Variants in POSTN observed in about 807,000 individuals in gnomAD.
The protein encoded by POSTN is osteoblast specific factor 2 (fasciclin I-like).
A neutral mutation model predicts 104.5 loss-of-function variants in POSTN; 71 were observed. The observed-to-expected ratio is 0.68, with a 90% CI of 0.56 to 0.83. POSTN has a LOEUF of 0.83. POSTN is among the 40% of genes least tolerant of loss of function. POSTN has a pLI of 0.00. For synonymous variants in POSTN, 355 were observed against 340.7 expected (o/e 1.04, Z -0.46); for missense variants, 949 against 1,006.8 (o/e 0.94, Z 0.78).
At chr13:37,582,800 C>T (rs1950633525) in intron 9 of POSTN, among the ~76,000 whole-genome samples, 1 of 152,164 alleles carries the variant, frequency 6.6e-6, no homozygotes, top group South Asian at 2.1e-4. Flanking sequence ...TGGTCACTGG[C>T]AAATGCTAAA....
chr13:37,582,402 G>C lies in POSTN; in HGVS notation c.1356C>G (p.Ile452Met), dbSNP rs376743583. Residue 452 changes from isoleucine to methionine, a missense_variant, in exon 10 of 23, where the codon ATC (isoleucine) becomes ATG (methionine). Ile to Met is a conservative substitution (Grantham distance 10, BLOSUM62 1). Coordinates refer to ENST00000379747, the MANE Select transcript of POSTN (RefSeq NM_006475.3). Reference protein sequence around the residue: ...ELYNGQILETIGGKQLRVFVY... With the variant: ...ELYNGQILETMGGKQLRVFVY... ...CGAAGACTCTGAGCTGTTTGCCTCC[G>C]ATGGTTTCCAGTATTTGCCCGTTGT... The C allele has an allele frequency of 1.2e-6, 2 of 1,613,592 alleles. No individual in the cohort carries two copies. Among genetic ancestry groups the C allele is most frequent in the Admixed American group, 3.3e-5 (2 of 59,908 alleles).
chr13:37,587,982 A>G lies in POSTN; in HGVS notation c.446T>C (p.Ile149Thr). ...CACGTTGCTCTCCAAACCTCTACGG[A>G]TATCCTAGGAAAAATTGCAATGATA... is the stretch of plus-strand genomic sequence containing the variant. Reference protein sequence around the residue: ...NEAWDNLDSDIRRGLESNVNV... With the variant: ...NEAWDNLDSDTRRGLESNVNV... The change falls in exon 5 of 23, where the codon ATC becomes ACC. Residue 149 changes from isoleucine to threonine, a missense_variant. Coordinates refer to ENST00000379747, the MANE Select transcript of POSTN (RefSeq NM_006475.3). 2.5e-6 allele frequency: 4 copies of G among 1,587,212 alleles called. No homozygotes were observed. The highest frequency in any genetic ancestry group is 3.4e-6 in the Non-Finnish European group (4 of 1,163,494).
chr13:37,564,614 A>G, intron 21 of POSTN, 54 bp from the exon 22 acceptor site: 1 of 1,018,766 alleles, frequency 9.8e-7, no homozygotes. Flanking sequence ...CTAAAATCAG[A>G]CAGGAGACCA....
Position 37,590,475 on chromosome 13 carries a change from G to A in POSTN, c.338C>T (p.Thr113Met), listed in dbSNP as rs201568682. 8 of 1,613,054 alleles carry A rather than the reference G, an allele frequency of 5.0e-6. No homozygotes were observed. The highest frequency in any genetic ancestry group is 6.8e-6 in the Non-Finnish European group (8 of 1,179,280). Reference sequence around the variant, plus strand: ...TTTTGAGGCGTCAGAATAGCGCTGCGTTGTGGTGGCTCCCACGATGCCCAG... The same window carrying A: ...TTTTGAGGCGTCAGAATAGCGCTGCATTGTGGTGGCTCCCACGATGCCCAG... ...GTLGIVGATT[T>M]QRYSDASKLR... is the part of the protein sequence containing the mutation. Residue 113 changes from threonine to methionine, a missense_variant, in exon 4 of 23, where the codon ACG (threonine) becomes ATG (methionine). By Grantham distance (81) the Thr-to-Met change is moderately conservative. Transcript: ENST00000379747.
chr13:37,572,819 TG>T (rs1364571440), intron 17 of POSTN, among the ~76,000 whole-genome samples: 1 of 151,628 alleles, frequency 6.6e-6, no homozygotes, highest in African/African-American at 2.4e-5. Flanking sequence ...TCAATAAATC[TG>T]TAATTGTTCA....
intron 19 of POSTN, 125 bp from the exon 20 acceptor site, chr13:37,569,946 T>G: frequency 1.5e-6 from 1 of 650,036 alleles, no homozygotes; most frequent in Non-Finnish European, 2.7e-6. Flanking sequence ...TCAACTCTGA[T>G]ACTTCAGTGT....
chr13:37,570,527 T>C, intron 19 of POSTN, 53 bp downstream of exon 19: 2 of 1,181,122 alleles, frequency 1.7e-6, no homozygotes, highest in Middle Eastern at 2.0e-4. Flanking sequence ...GGATTAACTA[T>C]AATTTGATCT....
chr13:37,585,113 C>G (rs975177683), intron 7 of POSTN, among the ~76,000 whole-genome samples, 185 bp from the exon 8 acceptor site: 1 of 152,164 alleles, frequency 6.6e-6, no homozygotes, highest in African/African-American at 2.4e-5. Flanking sequence ...AAAATAGAAA[C>G]AGCTCAGCTT....
At chr13:37,587,720 T>A in intron 5 of POSTN, 102 bp downstream of exon 5, 1 of 976,170 alleles carries the variant, frequency 1.0e-6, no homozygotes, top group East Asian at 2.6e-5. Context: ...CTTACCTTAT[T>A]CTCACTAACA....
intron 7 of POSTN, among the ~76,000 whole-genome samples, 191 bp from the exon 8 acceptor site, chr13:37,585,119 A>G (rs17256386): frequency 0.29 from 44,322 of 152,182 alleles, 6,886 homozygotes; most frequent in Non-Finnish European, 0.35. Context: ...GAAACAGCTC[A>G]GCTTCGTAGG....
At chr13:37,579,782 A>G in intron 12 of POSTN, 79 bp downstream of exon 12, 1 of 1,473,528 alleles carries the variant, frequency 6.8e-7, no homozygotes, top group South Asian at 1.3e-5. Flanking sequence ...TTTAAGGCAG[A>G]CATCTGGACA....
chr13:37,592,266 G>A, intron 2 of POSTN, 102 bp from the exon 3 acceptor site: 2 of 768,228 alleles, frequency 2.6e-6, no homozygotes, highest in Non-Finnish European at 4.1e-6. Flanking sequence ...GATTTGTTGA[G>A]GTTCTAAAAA....
Position 37,562,879 on chromosome 13 carries a change from G to C in POSTN, c.*454C>G, listed in dbSNP as rs561616176. The C allele has an allele frequency of 1.3e-5, 2 of 152,438 alleles. No homozygotes were observed. The highest frequency in any genetic ancestry group is 2.9e-5 in the Non-Finnish European group (2 of 68,224). 9.4% of individuals were successfully genotyped at this position (152,438 alleles called of 1,614,324 possible). Reference sequence around the variant, plus strand: ...TGTGCAAAGCCTTTTGATATAAAAAGTTTTGTACACCAAGCACCTATTTTT... The same window carrying C: ...TGTGCAAAGCCTTTTGATATAAAAACTTTTGTACACCAAGCACCTATTTTT... On this transcript the variant is annotated 3_prime_UTR_variant, in exon 23 of 23. Coordinates refer to ENST00000379747, the MANE Select transcript of POSTN (RefSeq NM_006475.3).
At position 37,569,314 on chromosome 13, in the gene POSTN, CTT is replaced by C; in HGVS notation, c.2415_2416del (p.Arg806ThrfsTer21). The C allele has an allele frequency of 1.2e-6, 2 of 1,612,148 alleles. No homozygotes were observed. Among genetic ancestry groups the C allele is most frequent in the African/African-American group, 2.7e-5 (2 of 74,948 alleles). On this transcript the variant is annotated frameshift_variant, in exon 21 of 23. Coordinates refer to ENST00000379747, the MANE Select transcript of POSTN (RefSeq NM_006475.3). LOFTEE classifies it high-confidence loss of function. ...CTTTTACTAACCTCCCTGAAGCAGTCTTTTAATTTCTTCATCTTCAAATAAAT... is the reference window on the plus strand; with the variant it reads ...CTTTTACTAACCTCCCTGAAGCAGTCTTAATTTCTTCATCTTCAAATAAAT...
At chr13:37,565,392 C>T (rs886704021) in intron 21 of POSTN, 7 of 151,824 alleles carry the variant, frequency 4.6e-5, no homozygotes, top group Non-Finnish European at 8.8e-5. Context: ...CATTTTTCTA[C>T]TTATCTTTTT....
In POSTN at chr13:37,592,154, A is replaced by G; in HGVS notation, c.229T>C (p.Tyr77His). ...CTCATATAACCAGGGCAACATTCAT[A>G]TAACACAGTCCTGTACATAGGAAGA... is the stretch of plus-strand genomic sequence containing the variant. ...SICGQKTTVL[Y>H]ECCPGYMRME... Residue 77 changes from tyrosine to histidine, a missense_variant, in exon 3 of 23, where the codon TAT becomes CAT. By Grantham distance (83) the Tyr-to-His change is moderately conservative. Coordinates refer to ENST00000379747, the MANE Select transcript of POSTN (RefSeq NM_006475.3). 1.3e-6 allele frequency: 2 copies of G among 1,595,646 alleles called. No homozygotes were observed. Among genetic ancestry groups the G allele is most frequent in the Non-Finnish European group, 1.7e-6 (2 of 1,163,402 alleles).
chr13:37,579,600 T>A (rs1950518917), intron 12 of POSTN, among the ~76,000 whole-genome samples: 1 of 152,340 alleles, frequency 6.6e-6, no homozygotes, highest in East Asian at 1.9e-4. Context: ...AACTGTTTTC[T>A]TCTTTGTCCC....
intron 11 of POSTN, among the ~76,000 whole-genome samples, 181 bp downstream of exon 11, chr13:37,580,380 C>T (rs1028895299): frequency 1.3e-5 from 2 of 152,148 alleles, no homozygotes; most frequent in Non-Finnish European, 2.9e-5. Flanking sequence ...AATCATATAA[C>T]GGTGTACCAG....
Position 37,569,314 on chromosome 13 carries a change from C to G in POSTN, c.2417G>C (p.Arg806Thr), listed in dbSNP as rs774049316. 8 of 1,612,030 alleles carry G rather than the reference C, an allele frequency of 5.0e-6. No homozygotes were observed. Among genetic ancestry groups the G allele is most frequent in the East Asian group, 2.2e-5 (1 of 44,746 alleles). Reference sequence around the variant, plus strand: ...CTTTTACTAACCTCCCTGAAGCAGTCTTTTAATTTCTTCATCTTCAAATAA... The same window carrying G: ...CTTTTACTAACCTCCCTGAAGCAGTGTTTTAATTTCTTCATCTTCAAATAA... Reference protein sequence around the residue: ...GHLFEDEEIKRLLQGDTPVRK... With the variant: ...GHLFEDEEIKTLLQGDTPVRK... The change falls in exon 21 of 23, where the codon AGA (arginine) becomes ACA (threonine). Residue 806 changes from arginine to threonine, a missense_variant. Transcript: ENST00000379747.
Sources: gnomAD v4.1 joint callset for allele counts (sites outside exome capture counted in the v4.1 genomes callset) on GRCh38, gnomAD v4.1.1 for gene constraint, MANE v1.5 for transcripts, NCBI Gene and HGNC (gene_info 2026-07-23, HGNC 2026-07-21) for gene names.